NXN: variants seen among roughly 807,000 people sequenced by gnomAD.
NXN encodes the protein nucleoredoxin 1.
In NXN, 16 loss-of-function variants were observed where a neutral mutation model predicts 48.6. That is an observed-to-expected ratio of 0.33 (90% CI 0.22 to 0.50). The LOEUF is 0.50. Ranked by LOEUF, NXN falls within the 20% of genes least tolerant of loss-of-function variation. The pLI is 0.98. For synonymous variants in NXN, 281 were observed against 269.6 expected (o/e 1.04, Z -0.41); for missense variants, 492 against 605.5 (o/e 0.81, Z 1.97).
At chr17:812,939 CAT>C (rs561331784) in intron 5 of NXN, among the ~76,000 whole-genome samples, 318 of 146,532 alleles carry the variant, frequency 2.2e-3, no homozygotes, top group South Asian at 6.6e-3. Flanking sequence ...TGTGAGTGTG[CAT>C]ATGTGTGAGT....
At chr17:891,607 G>A (rs895959365) in intron 1 of NXN, among the ~76,000 whole-genome samples, 3 of 152,168 alleles carry the variant, frequency 2.0e-5, no homozygotes, top group Non-Finnish European at 4.4e-5. Flanking sequence ...GCTTCAACAC[G>A]GGGGACCTCA....
intron 1 of NXN, among the ~76,000 whole-genome samples, chr17:946,414 G>T (rs1401397610): frequency 6.6e-6 from 1 of 152,108 alleles, no homozygotes; most frequent in East Asian, 1.9e-4. Context: ...TGATCCGCCC[G>T]CCTAGGCCTC....
chr17:906,978 TA>T (rs985249441), intron 1 of NXN, among the ~76,000 whole-genome samples: 1 of 152,106 alleles, frequency 6.6e-6, no homozygotes, highest in Non-Finnish European at 1.5e-5. Context: ...CTTTGGTCTA[TA>T]AACATTTTGC....
intron 1 of NXN, among the ~76,000 whole-genome samples, chr17:915,281 A>G (rs11657026): frequency 0.8 from 121,828 of 151,954 alleles, 49,208 homozygotes; most frequent in African/African-American, 0.9. Flanking sequence ...GATTAGCATG[A>G]CCTCTAGGAA....
At chr17:809,742 A>G (rs992256638) in intron 5 of NXN, among the ~76,000 whole-genome samples, 6 of 122,494 alleles carry the variant, frequency 4.9e-5, no homozygotes, top group African/African-American at 1.7e-4. Flanking sequence ...CCATAGCGAC[A>G]CGGCAAATTT....
chr17:939,319 A>T (rs2150604027), intron 1 of NXN, among the ~76,000 whole-genome samples: 1 of 151,868 alleles, frequency 6.6e-6, no homozygotes, highest in East Asian at 1.9e-4. Flanking sequence ...ATACAGCAAA[A>T]TACCACGTAA....
At chr17:909,351 C>T (rs1011921574) in intron 1 of NXN, among the ~76,000 whole-genome samples, 2 of 152,044 alleles carry the variant, frequency 1.3e-5, no homozygotes, top group Non-Finnish European at 2.9e-5. Flanking sequence ...ATTTATTCTT[C>T]TGTGGTACCA....
At chr17:930,778 T>C (rs1468173859) in intron 1 of NXN, among the ~76,000 whole-genome samples, 1 of 151,504 alleles carries the variant, frequency 6.6e-6, no homozygotes, top group African/African-American at 2.4e-5. Flanking sequence ...AGTTTGCTTT[T>C]TTTTTTTTTT....
rs1037661932 is a variant in NXN at position 832,239 on chromosome 17, G to A, written c.361-6161C>T. On this transcript the variant is annotated intron_variant, in intron 1 of 7. Coordinates refer to ENST00000336868, the MANE Select transcript of NXN (RefSeq NM_022463.5). ...GTCACCCAGGCTGGAGTGCAGTGGC[G>A]CGATCTCGGCTCACTGCAAGCTCCG... Among the ~76,000 whole-genome samples, 49 of 151,894 alleles carry A rather than the reference G, an allele frequency of 3.2e-4. 1 individual carries two copies. The highest frequency in any genetic ancestry group is 9.7e-4 in the African/African-American group (40 of 41,386).
At chr17:867,650 G>A (rs1284679183) in intron 1 of NXN, among the ~76,000 whole-genome samples, 2 of 152,194 alleles carry the variant, frequency 1.3e-5, no homozygotes, top group Non-Finnish European at 2.9e-5. Flanking sequence ...AAACAGGCCA[G>A]CGTGGTGGCT....
rs1419894036 is a variant in NXN at position 950,280 on chromosome 17, CTT to C, written c.360+29037_360+29038del. On this transcript the variant is annotated intron_variant, in intron 1 of 7. Coordinates refer to ENST00000336868, the MANE Select transcript of NXN (RefSeq NM_022463.5). ...AAGAATCAAGGAAGAATTTCAGAAT[CTT>C]TTTATACAAGAAAGGGATTCGGTGG... 5.9e-5 allele frequency among the ~76,000 whole-genome samples: 9 copies of C among 152,240 alleles called. No homozygotes were observed. The East Asian group carries it at 1.5e-3, about 26-fold the overall frequency.
intron 1 of NXN, among the ~76,000 whole-genome samples, chr17:905,611 T>C (rs2068575293): frequency 6.6e-6 from 1 of 152,192 alleles, no homozygotes; most frequent in Admixed American, 6.6e-5. Flanking sequence ...AAAATAGTTC[T>C]AGGCCAGTGC....
In NXN at chr17:943,633, C is replaced by T. The variant is rs542950994; in HGVS notation, c.360+35686G>A. ...GGCCAGGAGTTCAAAACCAGCCTGG[C>T]CAACATGGTGAAACCCCGTCTGTAC... On this transcript the variant is annotated intron_variant, in intron 1 of 7. Coordinates refer to ENST00000336868, the MANE Select transcript of NXN (RefSeq NM_022463.5). 3.0e-4 allele frequency among the ~76,000 whole-genome samples: 46 copies of T among 152,016 alleles called. 1 individual carries two copies. Among genetic ancestry groups the T allele is most frequent in the African/African-American group, 8.9e-4 (37 of 41,450 alleles).
intron 1 of NXN, among the ~76,000 whole-genome samples, chr17:866,851 A>G (rs2068100117): frequency 6.6e-6 from 1 of 152,278 alleles, no homozygotes; most frequent in Non-Finnish European, 1.5e-5. Flanking sequence ...AGCATGGGTC[A>G]GGGCAAGGCC....
chr17:879,269 G>T (rs1164818113), intron 1 of NXN, among the ~76,000 whole-genome samples: 1 of 146,206 alleles, frequency 6.8e-6, no homozygotes, highest in African/African-American at 2.5e-5. Flanking sequence ...TTTTGTTTTG[G>T]TTTGGTTTTT....
chr17:976,538 G>A (rs73279326), intron 1 of NXN, among the ~76,000 whole-genome samples: 2,703 of 152,254 alleles, frequency 0.018, 87 homozygotes, highest in African/African-American at 0.062. Context: ...CTTCTCTAGA[G>A]TTATTTTTAT....
chr17:851,750 T>C (rs1325361000), intron 1 of NXN, among the ~76,000 whole-genome samples: 5 of 152,210 alleles, frequency 3.3e-5, no homozygotes, highest in African/African-American at 9.6e-5. Context: ...GGAAACTTTA[T>C]ATTGCTATTG....
intron 1 of NXN, among the ~76,000 whole-genome samples, chr17:945,523 T>C (rs1325254100): frequency 6.7e-6 from 1 of 148,690 alleles, no homozygotes; most frequent in African/African-American, 2.5e-5. Context: ...CCCACCTACT[T>C]GGGAGGCTGA....
At chr17:815,798 T>A (rs375012175) in intron 5 of NXN, among the ~76,000 whole-genome samples, 4 of 152,316 alleles carry the variant, frequency 2.6e-5, no homozygotes, top group East Asian at 1.9e-4. Flanking sequence ...CTCCGGATCA[T>A]GTGTGAGGGG....
Sources: allele counts gnomAD v4.1 joint callset (sites outside exome capture counted in the v4.1 genomes callset), GRCh38; gene constraint gnomAD v4.1.1; transcripts MANE v1.5; gene names NCBI Gene and HGNC (gene_info 2026-07-23, HGNC 2026-07-21).